Variants in FMN2 observed in about 807,000 individuals in gnomAD.
FMN2 encodes the protein formin 2, also known as formin-2.
FMN2 carries 51 observed loss-of-function variants against 142.3 expected under a neutral mutation model. The ratio of observed to expected loss-of-function variants is 0.36; its 90% CI spans 0.29 to 0.45. FMN2 has a LOEUF of 0.45. Ranked by LOEUF, FMN2 falls within the 20% of genes least tolerant of loss-of-function variation. FMN2 has a pLI of 1.00. For synonymous variants in FMN2, 882 were observed against 869.8 expected (o/e 1.01, Z -0.25); for missense variants, 1,936 against 2,122.8 (o/e 0.91, Z 1.73).
Position 240,360,826 on chromosome 1 carries a change from G to A in FMN2, c.4858+4918G>A, listed in dbSNP as rs544750260. On this transcript the variant is annotated intron_variant, in intron 14 of 17. Coordinates refer to ENST00000319653, the MANE Select transcript of FMN2 (RefSeq NM_020066.5). ...ATGAGTTCATGTTCTTCGTAGGGAC[G>A]TGGATGAAGCTGGAAACCATCATTC... Among the ~76,000 whole-genome samples the A allele has an allele frequency of 5.2e-4, 79 of 152,116 alleles. No homozygotes were observed. The East Asian group carries it at 0.012, about 24-fold the overall frequency.
chr1:240,297,179 G>A (rs1670015853), intron 8 of FMN2, among the ~76,000 whole-genome samples: 2 of 152,012 alleles, frequency 1.3e-5, no homozygotes, highest in African/African-American at 4.8e-5. Flanking sequence ...TGGTGTGTGT[G>A]TGTATCTATA....
intron 2 of FMN2, among the ~76,000 whole-genome samples, chr1:240,168,794 A>G (rs574294091): frequency 1.3e-5 from 2 of 152,334 alleles, no homozygotes; most frequent in African/African-American, 4.8e-5. Flanking sequence ...TCAAAAACAC[A>G]TATTCCAGAA....
intron 2 of FMN2, among the ~76,000 whole-genome samples, chr1:240,151,085 A>G (rs1012225580): frequency 2.4e-4 from 36 of 152,196 alleles, no homozygotes; most frequent in Non-Finnish European, 3.5e-4. Flanking sequence ...CCCAATTGTT[A>G]TGTTGATTTA....
At chr1:240,365,205 G>A (rs1672623711) in intron 14 of FMN2, among the ~76,000 whole-genome samples, 2 of 135,678 alleles carry the variant, frequency 1.5e-5, no homozygotes, top group African/African-American at 6.2e-5. Flanking sequence ...ATATGTGTGT[G>A]TATATATATA....
At chr1:240,328,167 A>AAAAAGAAAAAAAAAAG (rs1671249402) in intron 8 of FMN2, among the ~76,000 whole-genome samples, 1 of 141,170 alleles carries the variant, frequency 7.1e-6, no homozygotes, top group African/African-American at 2.7e-5. Context: ...AAAAAAAAAA[A>AAAAAGAAAAAAAAAAG]AAAAAGAAAA....
chr1:240,461,732 T>G (rs918870266), intron 16 of FMN2, among the ~76,000 whole-genome samples: 7 of 152,200 alleles, frequency 4.6e-5, no homozygotes, highest in Admixed American at 6.5e-5. Context: ...GTTCTCTTCT[T>G]CATTCTTCTA....
rs1354214658 is a variant in FMN2 at position 240,170,816 on chromosome 1, C to T, written c.1783-7105C>T. 4 of 862,118 alleles carry T rather than the reference C, an allele frequency of 4.6e-6. No individual in the cohort carries two copies. The African/African-American group carries it at 5.0e-5, about 11-fold the overall frequency. 53.4% of individuals were successfully genotyped at this position (862,118 alleles called of 1,614,324 possible). A position where few individuals can be genotyped will look rare whatever the true frequency, so the allele number is the denominator to read the frequency against. Reference sequence around the variant, plus strand: ...ATCGTGGGCGGTAAAGTGGCTGGTGCATCCCGGATCATTGGTGTGGACATC... The same window carrying T: ...ATCGTGGGCGGTAAAGTGGCTGGTGTATCCCGGATCATTGGTGTGGACATC... On this transcript the variant is annotated intron_variant, in intron 2 of 17. Transcript: ENST00000319653.
chr1:240,393,538 T>C (rs962128657), intron 15 of FMN2, among the ~76,000 whole-genome samples: 8 of 152,140 alleles, frequency 5.3e-5, no homozygotes, highest in Non-Finnish European at 1.0e-4. Flanking sequence ...GGCCAATTAA[T>C]TACCCAACAG....
chr1:240,280,526 C>T (rs1027851699), intron 7 of FMN2, among the ~76,000 whole-genome samples: 1 of 152,090 alleles, frequency 6.6e-6, no homozygotes, highest in Admixed American at 6.6e-5. Flanking sequence ...AAATGTGATC[C>T]CAGAGTTAGG....
intron 3 of FMN2, among the ~76,000 whole-genome samples, chr1:240,185,090 C>G (rs1168089154): frequency 6.7e-3 from 99 of 14,836 alleles, no homozygotes; most frequent in African/African-American, 0.011. Flanking sequence ...CCTATACCTT[C>G]CCCCTTCTCT....
chr1:240,203,885 G>C lies in FMN2; in HGVS notation c.1987-2914G>C, dbSNP rs77611864. Among the ~76,000 whole-genome samples the C allele has an allele frequency of 2.3e-3, 345 of 152,232 alleles. 1 individual carries two copies. The highest frequency in any genetic ancestry group is 7.9e-3 in the African/African-American group (330 of 41,534). On this transcript the variant is annotated intron_variant, in intron 4 of 17. Coordinates refer to ENST00000319653, the MANE Select transcript of FMN2 (RefSeq NM_020066.5). ...TACTTAAAAACTACATGGCAATATA[G>C]TTTTTCCCCACAAAATACATAACAC...
At chr1:240,099,316 T>G (rs1227598443) in intron 1 of FMN2, among the ~76,000 whole-genome samples, 4 of 149,090 alleles carry the variant, frequency 2.7e-5, no homozygotes, top group South Asian at 2.1e-4. Flanking sequence ...TTTTGTTTTG[T>G]TTTTTTTTGC....
At chr1:240,199,189 C>T (rs1022086749) in intron 4 of FMN2, among the ~76,000 whole-genome samples, 1 of 152,160 alleles carries the variant, frequency 6.6e-6, no homozygotes, top group African/African-American at 2.4e-5. Context: ...TTACAGATGT[C>T]TAGAGGTATC....
rs1480838856 is a variant in FMN2, at chr1:240,092,262, G to T, written c.153G>T (p.Gly51=). The change falls in exon 1 of 18, where the codon GGG becomes GGT. Residue 51 remains glycine, a synonymous_variant. Coordinates refer to ENST00000319653, the MANE Select transcript of FMN2 (RefSeq NM_020066.5). ...AGGCGCTAGGCAAGCACGGCAAGGG[G>T]GGAGGGGGCGGCGGCGGCGGCGGGG... The part of the protein sequence containing the change: ...GKKALGKHGK[G]GGGGGGGGES... 1 of 1,532,164 alleles carries T rather than the reference G, an allele frequency of 6.5e-7. No homozygotes were observed. The highest frequency in any genetic ancestry group is 8.7e-7 in the Non-Finnish European group (1 of 1,143,800). The allele number at this position is 1,532,164 out of a possible 1,614,324, so 94.9% of individuals were successfully genotyped here. A position where few individuals can be genotyped will look rare whatever the true frequency, so the allele number is the denominator to read the frequency against.
At chr1:240,124,515 C>T (rs944378793) in intron 2 of FMN2, among the ~76,000 whole-genome samples, 6 of 152,068 alleles carry the variant, frequency 3.9e-5, no homozygotes, top group African/African-American at 1.2e-4. Context: ...TATTGCCAGT[C>T]GTTCTCAGGT....
intron 4 of FMN2, among the ~76,000 whole-genome samples, chr1:240,206,404 T>C (rs183531996): frequency 6.6e-6 from 1 of 152,206 alleles, no homozygotes; most frequent in Non-Finnish European, 1.5e-5. Context: ...TAAAAAGCAG[T>C]GACTACCTTT....
At chr1:240,383,655 C>A (rs1445532170) in intron 14 of FMN2, among the ~76,000 whole-genome samples, 1 of 151,988 alleles carries the variant, frequency 6.6e-6, no homozygotes, top group Non-Finnish European at 1.5e-5. Context: ...TATATTAGTA[C>A]AACCTCTACA....
intron 2 of FMN2, among the ~76,000 whole-genome samples, chr1:240,167,452 T>A (rs539552680): frequency 2.6e-5 from 4 of 152,308 alleles, no homozygotes; most frequent in African/African-American, 9.6e-5. Context: ...CTGGCCTATT[T>A]GTAAACATGT....
At chr1:240,156,125 C>T (rs1328724586) in intron 2 of FMN2, among the ~76,000 whole-genome samples, 4 of 151,986 alleles carry the variant, frequency 2.6e-5, no homozygotes, top group Non-Finnish European at 5.9e-5. Context: ...GTGGTGCATA[C>T]CTATAGTCCC....
Sources: gnomAD v4.1 joint callset for allele counts (sites outside exome capture counted in the v4.1 genomes callset) on GRCh38, gnomAD v4.1.1 for gene constraint, MANE v1.5 for transcripts, NCBI Gene and HGNC (gene_info 2026-07-23, HGNC 2026-07-21) for gene names.